Variants in SMIM7 observed in about 807,000 individuals in gnomAD.
The protein encoded by SMIM7 is small integral membrane protein 7, also known as UPF0608 protein C19orf42.
Under a neutral mutation model 13.3 loss-of-function variants are expected in SMIM7, and 12 were observed. That is an observed-to-expected ratio of 0.90 (90% CI 0.58 to 1.46). The LOEUF (loss-of-function observed/expected upper bound fraction) is 1.46. Ranked by LOEUF, SMIM7 falls within the 40% of genes most tolerant of loss-of-function variation. The pLI is 0.00. For synonymous variants in SMIM7, 36 were observed against 35.8 expected (o/e 1.01, Z -0.02); for missense variants, 114 against 94.8 (o/e 1.20, Z -0.84).
chr19:16,633,637 C>T (rs956628980), intron 4 of SMIM7, among the ~76,000 whole-genome samples: 11 of 152,012 alleles, frequency 7.2e-5, no homozygotes, highest in Admixed American at 4.6e-4. Flanking sequence ...GAGGCTGAGA[C>T]GGTTGAACCC....
At chr19:16,632,973 T>C (rs2086332480) in intron 4 of SMIM7, among the ~76,000 whole-genome samples, 1 of 152,200 alleles carries the variant, frequency 6.6e-6, no homozygotes, top group Non-Finnish European at 1.5e-5. Context: ...ACTGAAGCAC[T>C]ATTTGTAAGA....
At chr19:16,657,192 TG>T (rs2086607697) in intron 3 of SMIM7, among the ~76,000 whole-genome samples, 1 of 152,136 alleles carries the variant, frequency 6.6e-6, no homozygotes, top group African/African-American at 2.4e-5. Flanking sequence ...GCAAAGAGGA[TG>T]GAGGGCAAAG....
intron 4 of SMIM7, among the ~76,000 whole-genome samples, chr19:16,647,958 A>G (rs1018351765): frequency 3.3e-5 from 5 of 152,196 alleles, no homozygotes; most frequent in Admixed American, 2.0e-4. Context: ...TATGTCATAT[A>G]AAAAAATTCA....
At chr19:16,651,771 C>A (rs1199377044) in intron 4 of SMIM7, among the ~76,000 whole-genome samples, 1 of 145,904 alleles carries the variant, frequency 6.9e-6, no homozygotes, top group Non-Finnish European at 1.5e-5. Context: ...AGCATGCTGA[C>A]TTCTTCCCTG....
chr19:16,642,599 T>C (rs2086411766), downstream of SMIM7, among the ~76,000 whole-genome samples: 1 of 151,726 alleles, frequency 6.6e-6, no homozygotes, highest in Non-Finnish European at 1.5e-5. Flanking sequence ...CCAGAAATAC[T>C]GGAGGCCAAG....
intron 4 of SMIM7, chr19:16,636,475 T>G (rs917107904): frequency 6.6e-6 from 1 of 152,370 alleles, no homozygotes; most frequent in Non-Finnish European, 1.5e-5. Context: ...GTTCAAGCGA[T>G]TCTCCTGCCT....
At chr19:16,647,517 G>A (rs978700287) in intron 4 of SMIM7, among the ~76,000 whole-genome samples, 2 of 148,206 alleles carry the variant, frequency 1.3e-5, no homozygotes, top group Admixed American at 1.4e-4. Flanking sequence ...GTACAGTGGT[G>A]CGATCTCAGC....
chr19:16,639,254 C>T (rs1268805483), intron 4 of SMIM7, among the ~76,000 whole-genome samples: 2 of 151,666 alleles, frequency 1.3e-5, no homozygotes, highest in East Asian at 3.9e-4. Flanking sequence ...TCCCGAGTAG[C>T]TGGGATTATA....
chr19:16,634,459 A>C (rs914586896), intron 4 of SMIM7: 1 of 151,962 alleles, frequency 6.6e-6, no homozygotes, highest in African/African-American at 2.4e-5. Context: ...CAGCAATTCT[A>C]CTCCTAGGAA....
At chr19:16,652,631 A>G in intron 4 of SMIM7, 2 of 1,334,926 alleles carry the variant, frequency 1.5e-6, no homozygotes, top group Non-Finnish European at 1.9e-6. Context: ...CTGGGAATAC[A>G]TCACGGTCCT....
At chr19:16,659,847 G>A (rs867053319) in intron 2 of SMIM7, 112 bp downstream of exon 2, 14 of 1,415,998 alleles carry the variant, frequency 9.9e-6, no homozygotes, top group African/African-American at 2.8e-5. Context: ...GGCGGATAGG[G>A]CGGGGCCTGC....
downstream of SMIM7, chr19:16,641,297 T>A (rs2086401950): frequency 1.5e-5 from 2 of 129,452 alleles, no homozygotes; most frequent in African/African-American, 6.8e-5. Context: ...CTAATACAAC[T>A]TTTTTTTTTT....
intron 4 of SMIM7, chr19:16,631,816 G>A (rs1359057229): frequency 1.3e-5 from 2 of 151,580 alleles, no homozygotes; most frequent in Non-Finnish European, 2.9e-5. Flanking sequence ...AAGCCAGTGT[G>A]ACAAAAACAA....
At chr19:16,659,866 G>A (rs2086651126) in intron 2 of SMIM7, 93 bp downstream of exon 2, 2 of 1,504,274 alleles carry the variant, frequency 1.3e-6, no homozygotes, top group Non-Finnish European at 1.8e-6. Context: ...GCGGCTTGGG[G>A]GCGGGGCCTG....
At chr19:16,654,221 C>G in intron 3 of SMIM7, 96 bp from the exon 4 acceptor site, 1 of 943,352 alleles carries the variant, frequency 1.1e-6, no homozygotes, top group African/African-American at 1.6e-5. Context: ...CCACCCGGCG[C>G]TTGCTGCCTC....
rs706762 is a variant in SMIM7, at chr19:16,647,098, C to T, written c.*148G>A. On this transcript the variant is annotated 3_prime_UTR_variant, in exon 5 of 5. Transcript: ENST00000487416. ...CGTGGCTGGGAAACCATGCACACCT[C>T]GGCGAACACTTTTCCACCCACCACG... is the stretch of plus-strand genomic sequence containing the variant. 77,323 of 976,930 alleles carry T rather than the reference C, an allele frequency of 0.079. 4,052 individuals are homozygous for T. Among genetic ancestry groups the T allele is most frequent in the African/African-American group, 0.22 (13,682 of 62,540 alleles). 60.5% of individuals were successfully genotyped at this position (976,930 alleles called of 1,614,324 possible).
chr19:16,648,749 G>A (rs1481772515), intron 4 of SMIM7, among the ~76,000 whole-genome samples: 3 of 152,176 alleles, frequency 2.0e-5, no homozygotes, highest in African/African-American at 7.2e-5. Flanking sequence ...GCTCATGCCT[G>A]TAATCCCAGC....
chr19:16,656,803 G>A (rs778029395), intron 3 of SMIM7, among the ~76,000 whole-genome samples: 54 of 152,144 alleles, frequency 3.5e-4, no homozygotes, highest in Middle Eastern at 3.4e-3. Flanking sequence ...GGAAGCTGAG[G>A]CAGGAGAATT....
At chr19:16,653,330 C>G (rs534415882) in intron 4 of SMIM7, among the ~76,000 whole-genome samples, 1 of 152,230 alleles carries the variant, frequency 6.6e-6, no homozygotes, top group Non-Finnish European at 1.5e-5. Flanking sequence ...CATCTGTAAT[C>G]TCAGCACTTT....
Sources: gnomAD v4.1 joint callset for allele counts (sites outside exome capture counted in the v4.1 genomes callset) on GRCh38, gnomAD v4.1.1 for gene constraint, MANE v1.5 for transcripts, NCBI Gene and HGNC (gene_info 2026-07-23, HGNC 2026-07-21) for gene names.